SPMIP7: variants seen among roughly 807,000 people sequenced by gnomAD.
SPMIP7 encodes the protein protein SPMIP7.
chr7:50,134,325 C>T, the SPMIP7 span: 41 of 1,241,176 alleles, frequency 3.3e-5, no homozygotes, highest in African/African-American at 4.6e-5. Flanking sequence ...CAAAATAATA[C>T]TTATTTTATT....
chr7:50,136,313 A>G, the SPMIP7 span: 1 of 621,652 alleles, frequency 1.6e-6, no homozygotes, highest in Admixed American at 2.5e-5. Context: ...CCTGACTCAC[A>G]TCCTTAGGGC....
the SPMIP7 span, among the ~76,000 whole-genome samples, chr7:50,132,212 A>T: frequency 6.6e-6 from 1 of 152,042 alleles, no homozygotes; most frequent in African/African-American, 2.4e-5. Context: ...TGAACATGGG[A>T]TCCTTGTTGA....
At chr7:50,133,241 G>A in the SPMIP7 span, among the ~76,000 whole-genome samples, 331 of 152,140 alleles carry the variant, frequency 2.2e-3, 1 homozygote, top group Non-Finnish European at 3.9e-3. Context: ...GTGTTTGTGT[G>A]TGTGTGTGTG....
the SPMIP7 span, among the ~76,000 whole-genome samples, chr7:50,127,072 G>A: frequency 1.2e-4 from 18 of 151,920 alleles, no homozygotes; most frequent in African/African-American, 4.4e-4. Context: ...GAGACCAATG[G>A]AACAGATTAG....
the SPMIP7 span, among the ~76,000 whole-genome samples, chr7:50,125,116 A>ATATAT: frequency 2.1e-5 from 1 of 46,736 alleles, no homozygotes; most frequent in Non-Finnish European, 4.1e-5. Context: ...ATATATATAT[A>ATATAT]CACACACACA....
chr7:50,123,373 C>G, the SPMIP7 span, among the ~76,000 whole-genome samples: 1 of 132,006 alleles, frequency 7.6e-6, no homozygotes, highest in Non-Finnish European at 1.6e-5. Context: ...ACAATGAGAA[C>G]ACATGGACAC....
the SPMIP7 span, chr7:50,158,961 G>A: frequency 7.1e-7 from 1 of 1,403,972 alleles, no homozygotes; most frequent in Non-Finnish European, 9.7e-7. Flanking sequence ...TTCCCGCACA[G>A]GGGTATCATT....
At chr7:50,151,376 C>A in the SPMIP7 span, 2 of 1,144,846 alleles carry the variant, frequency 1.7e-6, no homozygotes, top group Non-Finnish European at 2.5e-6. Flanking sequence ...TATTTGGGTG[C>A]TAGTTACCAT....
chr7:50,100,270 T>C, the SPMIP7 span, among the ~76,000 whole-genome samples: 23 of 152,336 alleles, frequency 1.5e-4, no homozygotes, highest in African/African-American at 5.3e-4. Context: ...TTCCTGATTG[T>C]CTGGTACTGC....
At chr7:50,116,491 T>A in the SPMIP7 span, among the ~76,000 whole-genome samples, 1 of 152,268 alleles carries the variant, frequency 6.6e-6, no homozygotes, top group East Asian at 1.9e-4. Context: ...TTTTAAAACA[T>A]TTAACCATTG....
chr7:50,155,222 T>C, the SPMIP7 span, among the ~76,000 whole-genome samples: 65 of 152,360 alleles, frequency 4.3e-4, no homozygotes, highest in East Asian at 8.7e-3. Context: ...TTTTTGTTTT[T>C]GTAACCTAAG....
At chr7:50,103,386 C>A in the SPMIP7 span, among the ~76,000 whole-genome samples, 4 of 152,146 alleles carry the variant, frequency 2.6e-5, no homozygotes, top group African/African-American at 9.7e-5. Flanking sequence ...CCTGCCCAAA[C>A]CAAAGTAATC....
chr7:50,154,606 A>G, the SPMIP7 span, among the ~76,000 whole-genome samples: 1 of 152,186 alleles, frequency 6.6e-6, no homozygotes, highest in African/African-American at 2.4e-5. Flanking sequence ...CATTTTCTTT[A>G]TCCATTCATC....
the SPMIP7 span, chr7:50,151,654 C>A: frequency 1.3e-6 from 1 of 792,268 alleles, no homozygotes; most frequent in South Asian, 2.6e-5. Context: ...ATAGTAAAAG[C>A]AAATTTACAT....
chr7:50,129,711 T>G, the SPMIP7 span: 1,515 of 1,539,038 alleles, frequency 9.8e-4, 10 homozygotes, highest in African/African-American at 0.016. Flanking sequence ...TTTTCATGCC[T>G]TCTAGGATGA....
At chr7:50,122,024 T>C in the SPMIP7 span, among the ~76,000 whole-genome samples, 1 of 152,298 alleles carries the variant, frequency 6.6e-6, no homozygotes, top group African/African-American at 2.4e-5. Flanking sequence ...AGGTTAAATA[T>C]GAATATATTA....
At chr7:50,129,717 G>C in the SPMIP7 span, 2 of 1,541,270 alleles carry the variant, frequency 1.3e-6, no homozygotes, top group Non-Finnish European at 1.8e-6. Context: ...TGCCTTCTAG[G>C]ATGAAGGTGA....
chr7:50,140,256 T>C, the SPMIP7 span: 1 of 803,232 alleles, frequency 1.2e-6, no homozygotes, highest in African/African-American at 1.8e-5. Context: ...AGCTCACGCA[T>C]GTTGTATTCA....
chr7:50,106,297 T>C, the SPMIP7 span, among the ~76,000 whole-genome samples: 248 of 152,326 alleles, frequency 1.6e-3, 3 homozygotes, highest in African/African-American at 5.6e-3. Flanking sequence ...TGATTTGAAC[T>C]TTTGGTGGTC....
Sources: gnomAD v4.1 joint callset for allele counts (sites outside exome capture counted in the v4.1 genomes callset) on GRCh38, gnomAD v4.1.1 for gene constraint, MANE v1.5 for transcripts, NCBI Gene and HGNC (gene_info 2026-07-23, HGNC 2026-07-21) for gene names.